Variants in XPO5 observed in about 807,000 individuals in gnomAD.
XPO5 encodes exportin-5.
A neutral mutation model predicts 160.6 loss-of-function variants in XPO5; 46 were observed. The observed-to-expected ratio is 0.29, with a 90% CI of 0.23 to 0.37. XPO5 has a LOEUF of 0.37. Among genes scored for constraint, XPO5 ranks in the 10% least tolerant of loss-of-function variants. The probability of loss-of-function intolerance (pLI) is 1.00; values close to 1 mark genes in which losing one functional copy is unlikely to be tolerated. For synonymous variants in XPO5, 537 were observed against 519.3 expected (o/e 1.03, Z -0.46); for missense variants, 1,090 against 1,463.9 (o/e 0.74, Z 4.17).
intron 8 of XPO5, among the ~76,000 whole-genome samples, chr6:43,564,745 G>C (rs1390642905): frequency 6.6e-6 from 1 of 151,974 alleles, no homozygotes; most frequent in Non-Finnish European, 1.5e-5. Context: ...GGGACTACAA[G>C]TACACATACC....
chr6:43,571,434 T>G (rs138068101), intron 3 of XPO5, among the ~76,000 whole-genome samples: 1 of 152,016 alleles, frequency 6.6e-6, no homozygotes, highest in South Asian at 2.1e-4. Context: ...ATCTCTCATG[T>G]CTGTTATTTA....
chr6:43,551,178 A>C (rs1795211188), intron 15 of XPO5, 120 bp downstream of exon 15: 1 of 1,062,070 alleles, frequency 9.4e-7, no homozygotes, highest in African/African-American at 1.6e-5. Flanking sequence ...ATCCCTTGAG[A>C]CTAGTAATTT....
intron 26 of XPO5, 172 bp downstream of exon 26, chr6:43,527,462 C>A (rs997735975): frequency 1.5e-5 from 9 of 606,452 alleles, no homozygotes; most frequent in African/African-American, 1.1e-4. Context: ...TTAGTAGAGA[C>A]AGGGTTTCAC....
Position 43,572,352 on chromosome 6 carries a change from C to A in XPO5, c.300+154G>T, listed in dbSNP as rs949201177. Reference sequence around the variant, plus strand: ...TTGGCTTCCCAAAGCGCTAGAATTACAGGTGTGAGTCACTGTGCCTGGCCT... The same window carrying A: ...TTGGCTTCCCAAAGCGCTAGAATTAAAGGTGTGAGTCACTGTGCCTGGCCT... On this transcript the variant is annotated intron_variant, in intron 3 of 31. Transcript: ENST00000265351. Among the ~76,000 whole-genome samples, 4 of 152,378 alleles carry A rather than the reference C, an allele frequency of 2.6e-5. No individual in the cohort carries two copies. In the East Asian group the frequency reaches 7.7e-4, roughly 29 times the overall value.
At chr6:43,571,071 T>C (rs1412844430) in intron 3 of XPO5, 77 bp from the exon 4 acceptor site, 40 of 1,470,112 alleles carry the variant, frequency 2.7e-5, no homozygotes, top group Admixed American at 4.7e-5. Context: ...GGCTGTAGAG[T>C]TGTAAAAAAT....
At chr6:43,527,405 G>T in intron 26 of XPO5, 1 of 374,412 alleles carries the variant, frequency 2.7e-6, no homozygotes, top group Admixed American at 4.3e-5. Context: ...CTGAGTAGCT[G>T]GGACTACAGG....
At chr6:43,535,760 G>T (rs1364418712) in intron 20 of XPO5, among the ~76,000 whole-genome samples, 1 of 148,064 alleles carries the variant, frequency 6.8e-6, no homozygotes, top group Non-Finnish European at 1.5e-5. Context: ...CTTGCAATGA[G>T]CTGAAATCGC....
Position 43,526,699 on chromosome 6 carries a change from G to C in XPO5, c.2969C>G (p.Pro990Arg), listed in dbSNP as rs982466746. 3.0e-5 allele frequency: 48 copies of C among 1,613,906 alleles called. No individual in the cohort carries two copies. Among genetic ancestry groups the C allele is most frequent in the Non-Finnish European group, 4.1e-5 (48 of 1,179,842 alleles). The change falls in exon 27 of 32, where the codon CCA (proline) becomes CGA (arginine). Residue 990 changes from proline (P) to arginine (R), a missense_variant. Around this residue, in one of 3 missense-constraint regions of XPO5, gnomAD observed 810 missense variants for 1,139.0 expected, o/e 0.71. Transcript: ENST00000265351. ...KKGADHSSAPPADGDDEEMMA... is the reference protein window; with the variant it reads ...KKGADHSSAPRADGDDEEMMA... ...GGCTCACTTACCGTCTCCATCTGCT[G>C]GGGGAGCACTACTGTGGTCAGCACC...
rs539817347 is a variant in XPO5 at position 43,560,313 on chromosome 6, A to G, written c.1096-10T>C. ...TTGAAGAGCGTAGAAACTAAAGAGA[A>G]AAAAAAAAGAAAACGTCAAAGGATT... is the stretch of plus-strand genomic sequence containing the variant. On this transcript the variant is annotated splice_polypyrimidine_tract_variant and intron_variant, in intron 10 of 31. Coordinates refer to ENST00000265351, the MANE Select transcript of XPO5 (RefSeq NM_020750.3). 76 of 1,579,668 alleles carry G rather than the reference A, an allele frequency of 4.8e-5. No homozygotes were observed. The highest frequency in any genetic ancestry group is 6.3e-5 in the Non-Finnish European group (73 of 1,166,144).
Position 43,575,976 on chromosome 6 carries a change from G to T in XPO5, c.-112C>A. 9.7e-7 allele frequency: 1 copy of T among 1,034,020 alleles called. No individual in the cohort carries two copies. Among genetic ancestry groups the T allele is most frequent in the Non-Finnish European group, 1.4e-6 (1 of 696,214 alleles). The allele number at this position is 1,034,020 out of a possible 1,614,324, so 64.1% of individuals were successfully genotyped here. A position where few individuals can be genotyped will look rare whatever the true frequency, so the allele number is the denominator to read the frequency against. On this transcript the variant is annotated 5_prime_UTR_variant, in exon 1 of 32. Coordinates refer to ENST00000265351, the MANE Select transcript of XPO5 (RefSeq NM_020750.3). Reference sequence around the variant, plus strand: ...TACCGGGCCGCGGCGGGCGGCGGGGGTGGGAAGCTGGAGGAGGAGCGTTAG... The same window carrying T: ...TACCGGGCCGCGGCGGGCGGCGGGGTTGGGAAGCTGGAGGAGGAGCGTTAG...
intron 1 of XPO5, among the ~76,000 whole-genome samples, chr6:43,575,476 C>T (rs985392734): frequency 6.6e-6 from 1 of 152,134 alleles, no homozygotes; most frequent in African/African-American, 2.4e-5. Flanking sequence ...GACAAGAGTG[C>T]ACAGAAGCGA....
chr6:43,558,698 T>C, intron 11 of XPO5, 107 bp from the exon 12 acceptor site: 1 of 786,360 alleles, frequency 1.3e-6, no homozygotes, highest in Non-Finnish European at 2.0e-6. Flanking sequence ...AGTTAAGCGT[T>C]TGCATGAGAT....
chr6:43,546,617 T>C lies in XPO5; in HGVS notation c.2296A>G (p.Thr766Ala), dbSNP rs766750073. ...TCAAGAAGTTTCAGAATCTGCTCTG[T>C]GCAGGGGTTACGGAAGATTGGATTT... ...SGNPIFRNPC[T>A]EQILKLLDNL... Residue 766 changes from threonine to alanine, a missense_variant, in exon 20 of 32, where the codon ACA becomes GCA. This residue lies in a region of XPO5 where 810 missense variants were observed against 1,139.0 expected (regional missense o/e 0.71). Coordinates refer to ENST00000265351, the MANE Select transcript of XPO5 (RefSeq NM_020750.3). The C allele has an allele frequency of 6.2e-7, 1 of 1,613,928 alleles. No homozygotes were observed. The highest frequency in any genetic ancestry group is 1.1e-5 in the South Asian group (1 of 91,060).
At chr6:43,553,886 TA>T (rs200541439) in intron 13 of XPO5, among the ~76,000 whole-genome samples, 2,846 of 152,286 alleles carry the variant, frequency 0.019, 35 homozygotes, top group South Asian at 0.039. Flanking sequence ...TCCCCCTTTA[TA>T]ATCTTTTCCA....
intron 20 of XPO5, among the ~76,000 whole-genome samples, chr6:43,545,074 T>C (rs138830564): frequency 0.011 from 1,733 of 152,078 alleles, 16 homozygotes; most frequent in Non-Finnish European, 0.019. Context: ...GGTTTCATCA[T>C]GTTGGCCAGG....
chr6:43,572,607 G>A, intron 2 of XPO5, 29 bp from the exon 3 acceptor site: 1 of 1,607,026 alleles, frequency 6.2e-7, no homozygotes, highest in Non-Finnish European at 8.5e-7. Flanking sequence ...AAAGTCAATA[G>A]AACCACTTTA....
chr6:43,573,799 T>C (rs1223187253), intron 1 of XPO5, among the ~76,000 whole-genome samples, 198 bp from the exon 2 acceptor site: 1 of 143,306 alleles, frequency 7.0e-6, no homozygotes, highest in Admixed American at 7.0e-5. Context: ...ACCCCATCTC[T>C]ATTAAATATA....
chr6:43,567,411 A>T (rs2127752261), intron 6 of XPO5, 57 bp from the exon 7 acceptor site: 1 of 1,490,690 alleles, frequency 6.7e-7, no homozygotes, highest in Non-Finnish European at 9.0e-7. Context: ...GTAAGGAATC[A>T]GTGGTTATAA....
chr6:43,544,346 T>A (rs1402013614), intron 20 of XPO5: 1 of 152,846 alleles, frequency 6.5e-6, no homozygotes, highest in East Asian at 1.9e-4. Context: ...GAGAAAGACA[T>A]AGTGAACACA....
Sources: gnomAD v4.1 joint callset for allele counts (sites outside exome capture counted in the v4.1 genomes callset) on GRCh38, gnomAD v4.1.1 for gene constraint, gnomAD v4.1.1 regional missense constraint, MANE v1.5 for transcripts, NCBI Gene and HGNC (gene_info 2026-07-23, HGNC 2026-07-21) for gene names.